MIPOL1: variants seen among roughly 807,000 people sequenced by gnomAD.
The protein encoded by MIPOL1 is mirror-image polydactyly gene 1 protein.
In MIPOL1, 57 loss-of-function variants were observed where a neutral mutation model predicts 60.9. The ratio of observed to expected loss-of-function variants is 0.94; its 90% CI spans 0.76 to 1.17. The LOEUF (loss-of-function observed/expected upper bound fraction) is 1.17. Ranked by LOEUF, MIPOL1 falls within the 50% of genes most tolerant of loss-of-function variation. The pLI, the probability that MIPOL1 is intolerant of heterozygous loss-of-function variation, is 0.00. For missense variants in MIPOL1, 551 were observed against 511.6 expected, an observed-to-expected ratio of 1.08 and a Z score of -0.74; for synonymous variants, 179 against 168.8, an observed-to-expected ratio of 1.06 and a Z score of -0.47.
intron 7 of MIPOL1, among the ~76,000 whole-genome samples, chr14:37,294,899 A>C (rs950918424): frequency 2.0e-5 from 3 of 152,140 alleles, no homozygotes; most frequent in Non-Finnish European, 4.4e-5. Flanking sequence ...CATCCAGGAG[A>C]ACTTCCCCAA....
intron 7 of MIPOL1, among the ~76,000 whole-genome samples, chr14:37,290,472 C>T (rs1040271820): frequency 1.2e-4 from 19 of 152,098 alleles, no homozygotes; most frequent in Non-Finnish European, 2.5e-4. Flanking sequence ...GTGATCCACC[C>T]GCCTCAGCCT....
At chr14:37,304,265 A>AGT (rs1209045962) in intron 7 of MIPOL1, among the ~76,000 whole-genome samples, 1 of 151,642 alleles carries the variant, frequency 6.6e-6, no homozygotes, top group African/African-American at 2.4e-5. Context: ...TCTCTGTTAC[A>AGT]GTGTCTGCTT....
At chr14:37,340,224 T>C (rs1013161704) in intron 9 of MIPOL1, among the ~76,000 whole-genome samples, 8 of 152,138 alleles carry the variant, frequency 5.3e-5, no homozygotes, top group African/African-American at 1.9e-4. Flanking sequence ...CCTAGGTTAA[T>C]GTGTGTGTTT....
chr14:37,498,623 A>G (rs988938524), intron 11 of MIPOL1, among the ~76,000 whole-genome samples: 1 of 152,160 alleles, frequency 6.6e-6, no homozygotes, highest in Non-Finnish European at 1.5e-5. Context: ...ACCATGAAAA[A>G]AGGTATTTTT....
intron 10 of MIPOL1, among the ~76,000 whole-genome samples, chr14:37,407,590 C>T (rs548817929): frequency 6.6e-6 from 1 of 152,242 alleles, no homozygotes; most frequent in African/African-American, 2.4e-5. Flanking sequence ...AACTGAACCA[C>T]ACCAGCTGCT....
At chr14:37,539,274 T>C (rs2095520294) in intron 12 of MIPOL1, among the ~76,000 whole-genome samples, 1 of 151,964 alleles carries the variant, frequency 6.6e-6, no homozygotes, top group Non-Finnish European at 1.5e-5. Flanking sequence ...TAAAATAGAG[T>C]TGTTTTAAGC....
intron 10 of MIPOL1, among the ~76,000 whole-genome samples, chr14:37,374,340 T>C (rs1281440718): frequency 6.6e-6 from 1 of 152,208 alleles, no homozygotes; most frequent in Non-Finnish European, 1.5e-5. Context: ...AGGTTGCCTG[T>C]TCACTCTGAT....
At chr14:37,205,035 C>T (rs1377840839) in intron 1 of MIPOL1, among the ~76,000 whole-genome samples, 1 of 151,930 alleles carries the variant, frequency 6.6e-6, no homozygotes, top group Non-Finnish European at 1.5e-5. Context: ...CGGCATTTTG[C>T]TCCTGCCCCA....
At chr14:37,407,931 C>T (rs887407574) in intron 10 of MIPOL1, among the ~76,000 whole-genome samples, 2 of 138,062 alleles carry the variant, frequency 1.4e-5, no homozygotes, top group Non-Finnish European at 1.5e-5. Context: ...CTCACTGCAA[C>T]CTGGAACTCC....
chr14:37,216,409 TC>T (rs141250148), intron 1 of MIPOL1, among the ~76,000 whole-genome samples: 6,669 of 152,286 alleles, frequency 0.044, 337 homozygotes, highest in African/African-American at 0.12. Context: ...ACATCAAACT[TC>T]GTTTGCATTA....
intron 1 of MIPOL1, among the ~76,000 whole-genome samples, chr14:37,227,502 A>T (rs1594593364): frequency 6.6e-6 from 1 of 151,810 alleles, no homozygotes; most frequent in South Asian, 2.1e-4. Context: ...GTGTGTGTGT[A>T]TGTGTGTGTG....
intron 1 of MIPOL1, among the ~76,000 whole-genome samples, chr14:37,210,547 G>A (rs1043922442): frequency 3.9e-5 from 6 of 152,244 alleles, no homozygotes; most frequent in African/African-American, 9.6e-5. Context: ...AGATGGACTC[G>A]CGGGATTCCT....
chr14:37,247,904 A>G lies in MIPOL1; in HGVS notation c.16A>G (p.Lys6Glu). ...AGAAATACAAATGGAGAACTGGTCA[A>G]AAGGTAAGGACTTTTAAGGTATTAA... is the stretch of plus-strand genomic sequence containing the variant. MENWS[K>E]DITHSYLEQE... is the part of the protein sequence containing the mutation. The change falls in exon 3 of 13, where the codon AAA (lysine) becomes GAA (glutamate). Residue 6 changes from lysine to glutamate, a missense_variant. Coordinates refer to ENST00000684589, the MANE Select transcript of MIPOL1 (RefSeq NM_001388067.1). The G allele has an allele frequency of 6.2e-7, 1 of 1,613,290 alleles. No individual in the cohort carries two copies. Among genetic ancestry groups the G allele is most frequent in the Non-Finnish European group, 8.5e-7 (1 of 1,179,484 alleles).
intron 10 of MIPOL1, chr14:37,402,026 G>A (rs2093492924): frequency 6.6e-6 from 1 of 152,052 alleles, no homozygotes; most frequent in Non-Finnish European, 1.5e-5. Context: ...ATGAGATGGT[G>A]CAAAACTGGA....
At chr14:37,458,783 CAG>C (rs1014404646) in intron 11 of MIPOL1, among the ~76,000 whole-genome samples, 1 of 151,970 alleles carries the variant, frequency 6.6e-6, no homozygotes, top group African/African-American at 2.4e-5. Context: ...CCCTGGGAGA[CAG>C]AGGTTGCAGT....
At chr14:37,410,634 G>T (rs2153538853) in intron 10 of MIPOL1, among the ~76,000 whole-genome samples, 1 of 152,166 alleles carries the variant, frequency 6.6e-6, no homozygotes, top group East Asian at 1.9e-4. Context: ...GTAATATTTT[G>T]GGTGGTTTAA....
chr14:37,488,933 A>C (rs1050057192), intron 11 of MIPOL1, among the ~76,000 whole-genome samples: 5 of 152,050 alleles, frequency 3.3e-5, no homozygotes, highest in African/African-American at 1.2e-4. Flanking sequence ...TGCTCTTCTC[A>C]AGGAATATCT....
chr14:37,479,779 T>C (rs1411719716), intron 11 of MIPOL1, among the ~76,000 whole-genome samples: 1 of 151,540 alleles, frequency 6.6e-6, no homozygotes, highest in Non-Finnish European at 1.5e-5. Context: ...ATAAACAAAA[T>C]CTACAAACCC....
At chr14:37,298,871 A>G (rs531002928) in intron 7 of MIPOL1, among the ~76,000 whole-genome samples, 8 of 149,748 alleles carry the variant, frequency 5.3e-5, no homozygotes, top group African/African-American at 2.0e-4. Context: ...TAGTTCAACC[A>G]TTGTGGAAGA....
Sources: gnomAD v4.1 joint callset for allele counts (sites outside exome capture counted in the v4.1 genomes callset) on GRCh38, gnomAD v4.1.1 for gene constraint, MANE v1.5 for transcripts, NCBI Gene and HGNC (gene_info 2026-07-23, HGNC 2026-07-21) for gene names.